CHP2: variants seen among roughly 807,000 people sequenced by gnomAD.
CHP2 encodes calcineurin B homologous protein 2.
Under a neutral mutation model 24.7 loss-of-function variants are expected in CHP2, and 31 were observed. That is an observed-to-expected ratio of 1.26 (90% CI 0.94 to 1.69). CHP2 has a LOEUF of 1.69. Among genes scored for constraint, CHP2 ranks in the 40% most tolerant of loss-of-function variants. CHP2 has a pLI of 0.00. For synonymous variants in CHP2, 97 were observed against 99.1 expected (o/e 0.98, Z 0.13); for missense variants, 319 against 261.5 (o/e 1.22, Z -1.52).
Position 23,755,041 on chromosome 16 carries a change from A to G in CHP2, c.-9A>G. 1 of 1,583,248 alleles carries G rather than the reference A, an allele frequency of 6.3e-7. No individual in the cohort carries two copies. The highest frequency in any genetic ancestry group is 8.6e-7 in the Non-Finnish European group (1 of 1,169,206). On this transcript the variant is annotated 5_prime_UTR_variant, in exon 1 of 7. Transcript: ENST00000300113. Reference sequence around the variant, plus strand: ...TGGCTGCTCCGGCCCTTCCGCCTCCAGCTCGGCCATGGGGTCGCGCAGCTC... The same window carrying G: ...TGGCTGCTCCGGCCCTTCCGCCTCCGGCTCGGCCATGGGGTCGCGCAGCTC...
intron 4 of CHP2, 93 bp from the exon 5 acceptor site, chr16:23,756,295 C>T (rs902502942): frequency 6.3e-7 from 1 of 1,578,102 alleles, no homozygotes; most frequent in African/African-American, 1.4e-5. Flanking sequence ...TTGACAACCT[C>T]CCCCCTCCTC....
At position 23,757,923 on chromosome 16, in the gene CHP2, A is replaced by C. The variant is rs1961249240; in HGVS notation, c.*340A>C. The C allele has an allele frequency of 2.6e-6, 1 of 378,230 alleles. No homozygotes were observed. The highest frequency in any genetic ancestry group is 5.0e-6 in the Non-Finnish European group (1 of 198,268). 23.4% of individuals were successfully genotyped at this position (378,230 alleles called of 1,614,324 possible). On this transcript the variant is annotated 3_prime_UTR_variant, in exon 7 of 7. Coordinates refer to ENST00000300113, the MANE Select transcript of CHP2 (RefSeq NM_022097.4). ...CAACTCACCATAATGTAGAATCAGC[A>C]GGAGCCCTGAGCTTGTTTTCCTGCA...
rs1961254739 is a variant in CHP2, at chr16:23,758,273, T to G, written c.*690T>G. ...CAGAGCTGTGAATCAGCCAGCAATA[T>G]TTTAGTTGCAAATCACTGAAAACCC... On this transcript the variant is annotated 3_prime_UTR_variant, in exon 7 of 7. Coordinates refer to ENST00000300113, the MANE Select transcript of CHP2 (RefSeq NM_022097.4). 2 of 152,274 alleles carry G rather than the reference T, an allele frequency of 1.3e-5. No individual in the cohort carries two copies. Among genetic ancestry groups the G allele is most frequent in the South Asian group, 2.1e-4 (1 of 4,836 alleles). The allele number at this position is 152,274 out of a possible 1,614,324, so 9.4% of individuals were successfully genotyped here.
In CHP2 at chr16:23,757,646, CCATGGACG is replaced by C; in HGVS notation, c.*74_*81del. The C allele has an allele frequency of 7.1e-7, 1 of 1,406,984 alleles. No homozygotes were observed. Among genetic ancestry groups the C allele is most frequent in the Non-Finnish European group, 1.0e-6 (1 of 990,896 alleles). The allele number at this position is 1,406,984 out of a possible 1,614,324, so 87.2% of individuals were successfully genotyped here. A position where few individuals can be genotyped will look rare whatever the true frequency, so the allele number is the denominator to read the frequency against. ...TCTCCTTGGAATTCATCCAAAGCCC[CCATGGACG>C]CATGGACGCAGGGCGACAATAAACT... On this transcript the variant is annotated 3_prime_UTR_variant, in exon 7 of 7. Transcript: ENST00000300113.
chr16:23,757,289 G>C lies in CHP2; in HGVS notation c.503G>C (p.Gly168Ala). ...ACGGTGCAGGAGGCTGATGAAGATG[G>C]GGATGGGGCTGTGTCCTTCGTGGAG... The part of the protein sequence containing the change: ...DRTVQEADED[G>A]DGAVSFVEFT... The change falls in exon 6 of 7, where the codon GGG becomes GCG. Residue 168 changes from glycine to alanine, a missense_variant. Coordinates refer to ENST00000300113, the MANE Select transcript of CHP2 (RefSeq NM_022097.4). 6.2e-7 allele frequency: 1 copy of C among 1,613,846 alleles called. No homozygotes were observed. Among genetic ancestry groups the C allele is most frequent in the South Asian group, 1.1e-5 (1 of 91,042 alleles).
At chr16:23,755,639 C>T in intron 1 of CHP2, 22 bp from the exon 2 acceptor site, 4 of 1,611,104 alleles carry the variant, frequency 2.5e-6, no homozygotes, top group South Asian at 1.1e-5. Context: ...CACACACCCC[C>T]ACCCCACTCT....
Position 23,758,043 on chromosome 16 carries a change from G to T in CHP2, c.*460G>T. On this transcript the variant is annotated 3_prime_UTR_variant, in exon 7 of 7. Transcript: ENST00000300113. ...GTGCACAATCTAGATCCTTTGGTGT[G>T]CAGTTCACAGTAGGATTTGGGCTCC... The T allele has an allele frequency of 5.0e-6, 1 of 201,380 alleles. No homozygotes were observed. The highest frequency in any genetic ancestry group is 1.0e-5 in the Non-Finnish European group (1 of 97,492). 12.5% of individuals were successfully genotyped at this position (201,380 alleles called of 1,614,324 possible). A position where few individuals can be genotyped will look rare whatever the true frequency, so the allele number is the denominator to read the frequency against.
Position 23,756,175 on chromosome 16 carries a change from A to G in CHP2, c.334A>G (p.Arg112Gly). The change falls in exon 4 of 7, where the codon AGA becomes GGA. Residue 112 changes from arginine to glycine, a missense_variant. Physicochemically the swap from Arg to Gly is moderately radical, Grantham distance 125 (BLOSUM62 -2). Coordinates refer to ENST00000300113, the MANE Select transcript of CHP2 (RefSeq NM_022097.4). ...DPKKPEPLNS[R>G]RNKLHYAFQL... ...CAAGAAACCTGAACCTCTCAACAGC[A>G]GAAGGAACAAACTTCACTGTGAGTT... is the stretch of plus-strand genomic sequence containing the variant. The G allele has an allele frequency of 6.2e-7, 1 of 1,614,074 alleles. No homozygotes were observed. Among genetic ancestry groups the G allele is most frequent in the Non-Finnish European group, 8.5e-7 (1 of 1,180,020 alleles).
At chr16:23,755,612 A>G in intron 1 of CHP2, 49 bp from the exon 2 acceptor site, 1 of 1,543,544 alleles carries the variant, frequency 6.5e-7, no homozygotes. Context: ...GGGTTTCTGG[A>G]GCTGGCCCTG....
In CHP2 at chr16:23,756,336, A is replaced by C. The variant is rs1274780752; in HGVS notation, c.353-52A>C. 3 of 1,593,232 alleles carry C rather than the reference A, an allele frequency of 1.9e-6. No individual in the cohort carries two copies. The African/African-American group carries it at 4.0e-5, about 21-fold the overall frequency. On this transcript the variant is annotated intron_variant, in intron 4 of 6. Coordinates refer to ENST00000300113, the MANE Select transcript of CHP2 (RefSeq NM_022097.4). The stretch of plus-strand genomic sequence containing the variant: ...TGGGGGGAAGGAAGGTGGCTGCTGG[A>C]AGAGAGCCAGGGAAGACCTACCTTC...
intron 5 of CHP2, among the ~76,000 whole-genome samples, chr16:23,756,895 G>A (rs1363795756): frequency 6.6e-6 from 1 of 152,120 alleles, no homozygotes; most frequent in Non-Finnish European, 1.5e-5. Context: ...GATGGAATGA[G>A]GATGGAATTA....
In CHP2 at chr16:23,758,772, C is replaced by A. The variant is rs1035675289; in HGVS notation, c.*1189C>A. 4 of 152,226 alleles carry A rather than the reference C, an allele frequency of 2.6e-5. No homozygotes were observed. The highest frequency in any genetic ancestry group is 2.6e-4 in the Admixed American group (4 of 15,280). The allele number at this position is 152,226 out of a possible 1,614,324, so 9.4% of individuals were successfully genotyped here. A position where few individuals can be genotyped will look rare whatever the true frequency, so the allele number is the denominator to read the frequency against. On this transcript the variant is annotated 3_prime_UTR_variant, in exon 7 of 7. Transcript: ENST00000300113. ...AGCAGAATAAGGGGAAACGAGTGGT[C>A]TGCTCTGCTCGGGCAAAACAAGAGA...
chr16:23,757,804 A>C lies in CHP2; in HGVS notation c.*221A>C, dbSNP rs1961248088. On this transcript the variant is annotated 3_prime_UTR_variant, in exon 7 of 7. Transcript: ENST00000300113. ...GACAGTTTTTCCACGGATGGGTGACAGGGGATGGTTTTGGGATGATTCAAG... is the reference window on the plus strand; with the variant it reads ...GACAGTTTTTCCACGGATGGGTGACCGGGGATGGTTTTGGGATGATTCAAG... The C allele has an allele frequency of 3.3e-6, 2 of 598,718 alleles. No individual in the cohort carries two copies. Among genetic ancestry groups the C allele is most frequent in the Non-Finnish European group, 6.0e-6 (2 of 333,810 alleles). 37.1% of individuals were successfully genotyped at this position (598,718 alleles called of 1,614,324 possible).
chr16:23,758,605 T>C lies in CHP2; in HGVS notation c.*1022T>C, dbSNP rs1157313260. ...GAGAGTGTCATTGACCCGTTTGGGG[T>C]CTCATCTCTACTTCTAGGGGAATGA... On this transcript the variant is annotated 3_prime_UTR_variant, in exon 7 of 7. Transcript: ENST00000300113. 1.3e-5 allele frequency: 2 copies of C among 152,200 alleles called. No individual in the cohort carries two copies. Among genetic ancestry groups the C allele is most frequent in the Non-Finnish European group, 2.9e-5 (2 of 68,058 alleles). The allele number at this position is 152,200 out of a possible 1,614,324, so 9.4% of individuals were successfully genotyped here.
Position 23,756,164 on chromosome 16 carries a change from C to A in CHP2, c.323C>A (p.Pro108His). 6.2e-7 allele frequency: 1 copy of A among 1,614,084 alleles called. No homozygotes were observed. Among genetic ancestry groups the A allele is most frequent in the Middle Eastern group, 1.6e-4 (1 of 6,062 alleles). Residue 108 changes from proline (P) to histidine (H), a missense_variant, in exon 4 of 7, where the codon CCT becomes CAT. Coordinates refer to ENST00000300113, the MANE Select transcript of CHP2 (RefSeq NM_022097.4). Reference protein sequence around the residue: ...TETQDPKKPEPLNSRRNKLHY... With the variant: ...TETQDPKKPEHLNSRRNKLHY... ...ACCCAAGACCCCAAGAAACCTGAAC[C>A]TCTCAACAGCAGAAGGAACAAACTT... is the stretch of plus-strand genomic sequence containing the variant.
chr16:23,755,636 C>G (rs757628732), intron 1 of CHP2, 25 bp from the exon 2 acceptor site: 16 of 1,608,296 alleles, frequency 9.9e-6, no homozygotes, highest in Non-Finnish European at 1.4e-5. Context: ...AGTCACACAC[C>G]CCCACCCCAC....
At chr16:23,755,241 T>G in intron 1 of CHP2, 125 bp downstream of exon 1, 1 of 691,882 alleles carries the variant, frequency 1.4e-6, no homozygotes, top group South Asian at 1.9e-5. Flanking sequence ...TCCCCGGAGC[T>G]GGAAGACCAA....
At chr16:23,755,149 G>T (rs757609903) in intron 1 of CHP2, 33 bp downstream of exon 1, 3 of 1,549,308 alleles carry the variant, frequency 1.9e-6, no homozygotes, top group Admixed American at 1.7e-5. Context: ...CTGCGGAGGG[G>T]ACGGGGCGAA....
chr16:23,755,820 T>C, intron 2 of CHP2, 27 bp from the exon 3 acceptor site: 1 of 1,614,064 alleles, frequency 6.2e-7, no homozygotes, highest in Non-Finnish European at 8.5e-7. Context: ...ATCTCTGCCT[T>C]ACCCTCTTTG....
Sources: allele counts gnomAD v4.1 joint callset (sites outside exome capture counted in the v4.1 genomes callset), GRCh38; gene constraint gnomAD v4.1.1; transcripts MANE v1.5; gene names NCBI Gene and HGNC (gene_info 2026-07-23, HGNC 2026-07-21).